The following GK variants were observed in gnomAD, a reference collection of about 807,000 sequenced individuals.
GK encodes glycerol kinase.
In GK, 9 loss-of-function variants were observed where a neutral mutation model predicts 56.4. The ratio of observed to expected loss-of-function variants is 0.16; its 90% CI spans 0.10 to 0.28. GK has a LOEUF of 0.28. GK is among the 10% of genes least tolerant of loss of function. The probability of loss-of-function intolerance (pLI) is 1.00; values close to 1 mark genes in which losing one functional copy is unlikely to be tolerated. For synonymous variants in GK, 104 were observed against 144.1 expected (o/e 0.72, Z 1.99); for missense variants, 161 against 431.4 (o/e 0.37, Z 5.55).
intron 1 of GK, among the ~76,000 whole-genome samples, chrX:30,664,036 G>T (rs1319963774): frequency 3.6e-4 from 28 of 77,223 alleles, no homozygotes; most frequent in Admixed American, 5.1e-4. Flanking sequence ...ATATTTTATA[G>T]ATATATATTT....
chrX:30,702,729 G>A (rs762186092), intron 11 of GK, among the ~76,000 whole-genome samples: 41 of 112,502 alleles, frequency 3.6e-4, no homozygotes, highest in African/African-American at 1.1e-3. Context: ...ACATTTAATT[G>A]CTATTTTCTT....
At chrX:30,693,905 A>T (rs999098960) in intron 5 of GK, among the ~76,000 whole-genome samples, 1 of 111,501 alleles carries the variant, frequency 9.0e-6, no homozygotes, top group African/African-American at 3.3e-5. Flanking sequence ...TACTAATTTC[A>T]TGTTATGTTA....
intron 1 of GK, among the ~76,000 whole-genome samples, chrX:30,657,512 T>G (rs1289500188): frequency 8.9e-6 from 1 of 112,677 alleles, no homozygotes; most frequent in Non-Finnish European, 1.9e-5. Context: ...GTAACTTAAT[T>G]TTTTCCCCAC....
chrX:30,725,191 T>C (rs1937082679), intron 19 of GK, among the ~76,000 whole-genome samples: 1 of 111,591 alleles, frequency 9.0e-6, no homozygotes, highest in Non-Finnish European at 1.9e-5. Flanking sequence ...CTTGAGCATA[T>C]ACTTTAATGG....
chrX:30,662,877 TTCTTTC>T (rs1932828649), intron 1 of GK, among the ~76,000 whole-genome samples: 1 of 89,508 alleles, frequency 1.1e-5, no homozygotes, highest in Non-Finnish European at 2.2e-5. Flanking sequence ...TTCTCTTTCT[TTCTTTC>T]TTTCTTTCTT....
intron 8 of GK, among the ~76,000 whole-genome samples, chrX:30,697,480 T>C (rs111334266): frequency 0.053 from 5,903 of 111,955 alleles, 171 homozygotes; most frequent in Non-Finnish European, 0.077. Flanking sequence ...TTTAACTGTT[T>C]TATTTATAAT....
At chrX:30,665,634 T>G (rs762470061) in intron 2 of GK, 50 bp downstream of exon 2, 1 of 750,535 alleles carries the variant, frequency 1.3e-6, no homozygotes, top group African/African-American at 2.1e-5. Context: ...TGTTAGTCCA[T>G]CTCACCCAAC....
intron 4 of GK, chrX:30,689,559 A>G (rs938207674): frequency 1.3e-4 from 44 of 329,515 alleles, no homozygotes; most frequent in Non-Finnish European, 5.9e-5. Context: ...CTTTTCTGGG[A>G]TGGCTCCTGA....
chrX:30,693,976 T>G (rs1935115659), intron 5 of GK, among the ~76,000 whole-genome samples: 1 of 112,227 alleles, frequency 8.9e-6, no homozygotes, highest in Non-Finnish European at 1.9e-5. Context: ...TTTAAAAGTT[T>G]TCTGGTTATG....
At chrX:30,694,847 C>T (rs746757307) in intron 6 of GK, among the ~76,000 whole-genome samples, 56 of 111,806 alleles carry the variant, frequency 5.0e-4, no homozygotes, top group Non-Finnish European at 8.8e-4. Flanking sequence ...TACTCCTTTC[C>T]CACTAGCCAT....
chrX:30,657,048 AC>A (rs1317792415), intron 1 of GK, among the ~76,000 whole-genome samples: 1 of 111,318 alleles, frequency 9.0e-6, no homozygotes, highest in Non-Finnish European at 1.9e-5. Flanking sequence ...ACGGGGTTTC[AC>A]CATGTTGGTC....
chrX:30,660,927 C>T (rs1473847111), intron 1 of GK, among the ~76,000 whole-genome samples: 1 of 108,330 alleles, frequency 9.2e-6, no homozygotes, highest in African/African-American at 3.4e-5. Context: ...ATTCTCCTGC[C>T]TCAGCCTCCT....
At chrX:30,691,675 T>C (rs1934943099) in intron 5 of GK, among the ~76,000 whole-genome samples, 1 of 109,646 alleles carries the variant, frequency 9.1e-6, no homozygotes, top group Admixed American at 9.7e-5. Flanking sequence ...GGTTTCACTG[T>C]GTTAGCCAGG....
chrX:30,697,773 T>C (rs771613757), intron 9 of GK, 24 bp downstream of exon 9: 2 of 1,115,831 alleles, frequency 1.8e-6, no homozygotes, highest in Non-Finnish European at 2.5e-6. Context: ...CCGCCAATTA[T>C]GTACCCATTC....
intron 11 of GK, among the ~76,000 whole-genome samples, chrX:30,705,538 T>C (rs1935954695): frequency 8.9e-6 from 1 of 112,198 alleles, no homozygotes; most frequent in South Asian, 3.7e-4. Context: ...GGCTGCTCAG[T>C]CCTGATCTGA....
chrX:30,692,991 A>G (rs1308491096), intron 5 of GK, among the ~76,000 whole-genome samples: 10 of 84,911 alleles, frequency 1.2e-4, no homozygotes, highest in Non-Finnish European at 2.2e-4. Context: ...ATTTTTGTGT[A>G]TGTATTTTCT....
rs981849841 is a variant in GK, at chrX:30,707,691, T to C, written c.894+93T>C. 1.3e-4 allele frequency: 71 copies of C among 526,775 alleles called. 1 individual carries two copies. Among genetic ancestry groups the C allele is most frequent in the Non-Finnish European group, 1.9e-4 (59 of 304,940 alleles). 43.4% of individuals were successfully genotyped at this position (526,775 alleles called of 1,213,427 possible). Reference sequence around the variant, plus strand: ...TTACTATTAAACAACTTTTAGTCTTTAGCTTTTACTTAATCTTTATCAGGG... The same window carrying C: ...TTACTATTAAACAACTTTTAGTCTTCAGCTTTTACTTAATCTTTATCAGGG... On this transcript the variant is annotated intron_variant, in intron 12 of 20. Coordinates refer to ENST00000427190, the MANE Select transcript of GK (RefSeq NM_001205019.2).
chrX:30,664,764 A>G (rs1932964869), intron 1 of GK, among the ~76,000 whole-genome samples: 1 of 94,259 alleles, frequency 1.1e-5, no homozygotes, highest in African/African-American at 4.1e-5. Context: ...GTGGAGCTCA[A>G]TCTCAGCTCA....
intron 4 of GK, among the ~76,000 whole-genome samples, chrX:30,686,635 A>ATT (rs1934631201): frequency 8.9e-6 from 1 of 112,015 alleles, no homozygotes; most frequent in African/African-American, 3.2e-5. Flanking sequence ...TTAAAAAATA[A>ATT]TTTATTCCTC....
Sources: gnomAD v4.1 joint callset for allele counts (sites outside exome capture counted in the v4.1 genomes callset) on GRCh38, gnomAD v4.1.1 for gene constraint, MANE v1.5 for transcripts, NCBI Gene and HGNC (gene_info 2026-07-23, HGNC 2026-07-21) for gene names.